The following PARVA variants were observed in gnomAD, a reference collection of about 807,000 sequenced individuals.
PARVA encodes parvin alpha.
In PARVA, 25 loss-of-function variants were observed where a neutral mutation model predicts 52.6. That is an observed-to-expected ratio of 0.48 (90% CI 0.35 to 0.66). PARVA has a LOEUF of 0.66. PARVA is among the 30% of genes least tolerant of loss of function. PARVA has a pLI of 0.01. For synonymous variants in PARVA, 185 were observed against 179.1 expected, an observed-to-expected ratio of 1.03 and a Z score of -0.26; for missense variants, 373 against 450.9, an observed-to-expected ratio of 0.83 and a Z score of 1.56.
chr11:12,441,840 AC>A (rs1940470833), intron 1 of PARVA, among the ~76,000 whole-genome samples: 1 of 152,192 alleles, frequency 6.6e-6, no homozygotes, highest in Non-Finnish European at 1.5e-5. Flanking sequence ...ATTTTCCACA[AC>A]GCTGCAGGAA....
chr11:12,503,885 T>A (rs1941393753), intron 5 of PARVA, among the ~76,000 whole-genome samples: 1 of 152,168 alleles, frequency 6.6e-6, no homozygotes, highest in South Asian at 2.1e-4. Context: ...CTGGGTAATT[T>A]ATAAATAAAA....
rs150693500 is a variant in PARVA at position 12,386,930 on chromosome 11, C to T, written c.136+9147C>T. Among the ~76,000 whole-genome samples, 352 of 152,256 alleles carry T rather than the reference C, an allele frequency of 2.3e-3. 1 individual carries two copies. Among genetic ancestry groups the T allele is most frequent in the African/African-American group, 8.1e-3 (335 of 41,548 alleles). ...TGTGTCGGGAGGAGGAGATGGATAC[C>T]AGGATAAGTGGGCCCCGGCCCAAGG... On this transcript the variant is annotated intron_variant, in intron 1 of 12. Transcript: ENST00000334956.
chr11:12,378,077 C>T (rs1939429493), intron 1 of PARVA, among the ~76,000 whole-genome samples: 1 of 150,940 alleles, frequency 6.6e-6, no homozygotes, highest in African/African-American at 2.4e-5. Context: ...GGGCGGGCGC[C>T]GCTTGGCGGC....
intron 1 of PARVA, among the ~76,000 whole-genome samples, chr11:12,445,528 A>G (rs1443434186): frequency 7.0e-6 from 1 of 142,848 alleles, no homozygotes; most frequent in African/African-American, 2.5e-5. Flanking sequence ...GGAGAGGGGA[A>G]CAAGGTGGGA....
intron 4 of PARVA, among the ~76,000 whole-genome samples, chr11:12,494,897 C>A (rs1941278834): frequency 6.6e-6 from 1 of 152,156 alleles, no homozygotes; most frequent in African/African-American, 2.4e-5. Context: ...GCCTCTGAGC[C>A]AAGATAAGAC....
At chr11:12,444,194 A>T (rs1156654840) in intron 1 of PARVA, among the ~76,000 whole-genome samples, 4 of 152,166 alleles carry the variant, frequency 2.6e-5, no homozygotes, top group Non-Finnish European at 5.9e-5. Context: ...CGGAATCCAG[A>T]TTGTTAATGG....
At chr11:12,398,711 G>A (rs1434296314) in intron 1 of PARVA, among the ~76,000 whole-genome samples, 18 of 151,812 alleles carry the variant, frequency 1.2e-4, no homozygotes, top group Admixed American at 1.2e-3. Flanking sequence ...CAGATCTCTA[G>A]TGTTAATAAT....
rs1940971868 is a variant in PARVA at position 12,474,071 on chromosome 11, C to T, written c.297+88C>T. 4.7e-6 allele frequency: 5 copies of T among 1,069,700 alleles called. No homozygotes were observed. The Admixed American group carries it at 8.1e-5, about 17-fold the overall frequency. 66.3% of individuals were successfully genotyped at this position (1,069,700 alleles called of 1,614,324 possible). On this transcript the variant is annotated intron_variant, in intron 3 of 12. Transcript: ENST00000334956. ...CTGCTCTGTGCAGGTACCCCACGAGCCCCTGAGAGAAGGTAAAAAGTCATG... is the reference window on the plus strand; with the variant it reads ...CTGCTCTGTGCAGGTACCCCACGAGTCCCTGAGAGAAGGTAAAAAGTCATG...
intron 1 of PARVA, among the ~76,000 whole-genome samples, chr11:12,386,349 G>A (rs1939571925): frequency 6.6e-6 from 1 of 152,122 alleles, no homozygotes; most frequent in Admixed American, 6.5e-5. Context: ...TTTACATGCT[G>A]TTCCATATTC....
At chr11:12,507,970 AGATGGATG>A (rs201757014) in intron 6 of PARVA, among the ~76,000 whole-genome samples, 6 of 151,658 alleles carry the variant, frequency 4.0e-5, no homozygotes, top group Admixed American at 6.6e-5. Flanking sequence ...AAGTGTGGAC[AGATGGATG>A]GATGGATGGA....
chr11:12,501,991 C>T (rs190323781), intron 5 of PARVA, among the ~76,000 whole-genome samples: 5 of 152,198 alleles, frequency 3.3e-5, no homozygotes, highest in African/African-American at 7.2e-5. Context: ...GGTGGTGGGC[C>T]GGTAGTTCTG....
chr11:12,427,142 A>G (rs1940249075), intron 1 of PARVA, among the ~76,000 whole-genome samples: 1 of 152,250 alleles, frequency 6.6e-6, no homozygotes, highest in Non-Finnish European at 1.5e-5. Context: ...TAATTAATAT[A>G]GTAGAGCTAC....
intron 1 of PARVA, among the ~76,000 whole-genome samples, chr11:12,381,868 A>G (rs946945584): frequency 1.3e-5 from 2 of 152,112 alleles, no homozygotes; most frequent in Admixed American, 1.3e-4. Flanking sequence ...AACTTTTCTT[A>G]TAATGTCATG....
chr11:12,479,184 C>A (rs1483019460), intron 4 of PARVA: 1 of 152,214 alleles, frequency 6.6e-6, no homozygotes, highest in African/African-American at 2.4e-5. Context: ...GTCCTTCTGC[C>A]TCTAAGGCCT....
chr11:12,501,106 C>CAAAAAAA (rs112564187), intron 5 of PARVA, among the ~76,000 whole-genome samples: 1 of 132,562 alleles, frequency 7.5e-6, no homozygotes, highest in African/African-American at 2.7e-5. Flanking sequence ...AAATCCATCT[C>CAAAAAAA]AAAAAAAAAA....
chr11:12,450,415 G>A (rs1218143248), intron 1 of PARVA, among the ~76,000 whole-genome samples: 1 of 152,186 alleles, frequency 6.6e-6, no homozygotes, highest in Non-Finnish European at 1.5e-5. Flanking sequence ...TGCTGATCTG[G>A]TGGATCTTGT....
intron 1 of PARVA, among the ~76,000 whole-genome samples, chr11:12,439,782 C>T (rs184791058): frequency 3.9e-5 from 6 of 152,300 alleles, no homozygotes; most frequent in Admixed American, 2.0e-4. Context: ...GAGCAAAGTA[C>T]ATTTACATTT....
chr11:12,486,323 C>T (rs1432752636), intron 4 of PARVA, among the ~76,000 whole-genome samples: 2 of 152,204 alleles, frequency 1.3e-5, no homozygotes, highest in Non-Finnish European at 1.5e-5. Context: ...CACCTGAGGT[C>T]GGGAGTTCGA....
intron 4 of PARVA, among the ~76,000 whole-genome samples, chr11:12,483,329 T>C (rs1291209776): frequency 1.3e-5 from 2 of 152,170 alleles, no homozygotes; most frequent in Non-Finnish European, 2.9e-5. Context: ...GAAGCTTATA[T>C]AGAAGGTGAC....
Sources: allele counts gnomAD v4.1 joint callset (sites outside exome capture counted in the v4.1 genomes callset), GRCh38; gene constraint gnomAD v4.1.1; transcripts MANE v1.5; gene names NCBI Gene and HGNC (gene_info 2026-07-23, HGNC 2026-07-21).